Variants in ANKRD33B observed in about 807,000 individuals in gnomAD.
ANKRD33B encodes ankyrin repeat domain 33B.
ANKRD33B carries 6 observed loss-of-function variants against 21.5 expected under a neutral mutation model. The ratio of observed to expected loss-of-function variants is 0.28; its 90% CI spans 0.15 to 0.55. ANKRD33B has a LOEUF of 0.55. Among genes scored for constraint, ANKRD33B ranks in the 20% least tolerant of loss-of-function variants. The pLI is 0.94. For missense variants in ANKRD33B, 698 were observed against 747.2 expected, an observed-to-expected ratio of 0.93 and a Z score of 0.77; for synonymous variants, 347 against 342.4, an observed-to-expected ratio of 1.01 and a Z score of -0.15.
chr5:10,649,296 G>T lies in ANKRD33B; in HGVS notation c.668G>T (p.Arg223Leu). 1.3e-6 allele frequency: 2 copies of T among 1,528,670 alleles called. No individual in the cohort carries two copies. Among genetic ancestry groups the T allele is most frequent in the South Asian group, 1.2e-5 (1 of 83,794 alleles). The allele number at this position is 1,528,670 out of a possible 1,614,324, so 94.7% of individuals were successfully genotyped here. Reference sequence around the variant, plus strand: ...GATGTCCACGCGAGGGACCCCCGCCGTGGGATGTCGCCGCAGGAGTGGGCC... The same window carrying T: ...GATGTCCACGCGAGGGACCCCCGCCTTGGGATGTCGCCGCAGGAGTGGGCC... Reference protein sequence around the residue: ...GADVHARDPRRGMSPQEWATY... With the variant: ...GADVHARDPRLGMSPQEWATY... The change falls in exon 4 of 4, where the codon CGT (arginine) becomes CTT (leucine). Residue 223 changes from arginine (R) to leucine (L), a missense_variant. By Grantham distance (102) the Arg-to-Leu change is moderately radical. Around this residue, in one of 3 missense-constraint regions of ANKRD33B, gnomAD observed 543 missense variants for 566.5 expected, o/e 0.96. Coordinates refer to ENST00000296657, the MANE Select transcript of ANKRD33B (RefSeq NM_001164440.2).
chr5:10,621,279 G>T (rs1191994642), intron 2 of ANKRD33B, among the ~76,000 whole-genome samples: 1 of 152,042 alleles, frequency 6.6e-6, no homozygotes, highest in Admixed American at 6.6e-5. Flanking sequence ...GTGAGGAATG[G>T]TATTTAGAAA....
intron 2 of ANKRD33B, 61 bp downstream of exon 2, chr5:10,618,523 C>T: frequency 1.4e-6 from 2 of 1,463,378 alleles, no homozygotes; most frequent in South Asian, 1.4e-5. Context: ...CGCCGGGCAG[C>T]CCGGGCTCCC....
In ANKRD33B at chr5:10,564,687, A is replaced by AGCGTCCCGGAGG. The variant is rs762063874; in HGVS notation, c.231_242dup (p.Gly78_Glu81dup). On this transcript the variant is annotated inframe_insertion, in exon 1 of 4. Transcript: ENST00000296657. ...GGAGCACGGCGTCGAGAGCGCGGAG[A>AGCGTCCCGGAGG]GCGTCCCGGAGGGCGTCCCGGAAAG... The AGCGTCCCGGAGG allele has an allele frequency of 9.1e-6, 14 of 1,533,952 alleles. No individual in the cohort carries two copies. Among genetic ancestry groups the AGCGTCCCGGAGG allele is most frequent in the Middle Eastern group, 2.2e-4 (1 of 4,636 alleles).
chr5:10,613,661 G>T (rs908318171), intron 1 of ANKRD33B, among the ~76,000 whole-genome samples: 3 of 152,050 alleles, frequency 2.0e-5, no homozygotes, highest in African/African-American at 4.8e-5. Context: ...AGCACTTTGG[G>T]AGGCCAAGGA....
At chr5:10,618,672 G>A (rs751620274) in intron 2 of ANKRD33B, among the ~76,000 whole-genome samples, 2 of 152,166 alleles carry the variant, frequency 1.3e-5, no homozygotes, top group Non-Finnish European at 2.9e-5. Flanking sequence ...ATCAAGCTCC[G>A]ATACTGCCCA....
chr5:10,635,163 A>T (rs770196067), intron 2 of ANKRD33B, among the ~76,000 whole-genome samples: 6 of 152,176 alleles, frequency 3.9e-5, no homozygotes, highest in Non-Finnish European at 8.8e-5. Context: ...AGTGCTGAGG[A>T]TATATCAGTG....
intron 2 of ANKRD33B, among the ~76,000 whole-genome samples, chr5:10,633,483 C>A (rs1344737816): frequency 6.6e-6 from 1 of 152,248 alleles, no homozygotes; most frequent in East Asian, 1.9e-4. Context: ...CAGAGAATGC[C>A]TGTGTGCCTC....
intron 1 of ANKRD33B, among the ~76,000 whole-genome samples, chr5:10,569,469 G>A (rs575324061): frequency 3.6e-4 from 55 of 152,202 alleles, no homozygotes; most frequent in Admixed American, 1.1e-3. Flanking sequence ...GGTGGTGGAC[G>A]CCTGTAGTCC....
chr5:10,608,672 A>AC (rs1305847744), intron 1 of ANKRD33B, among the ~76,000 whole-genome samples: 7 of 152,038 alleles, frequency 4.6e-5, no homozygotes, highest in African/African-American at 1.4e-4. Context: ...GAAAAAAAAA[A>AC]AAACTTGAAA....
chr5:10,621,112 C>T (rs949131694), intron 2 of ANKRD33B, among the ~76,000 whole-genome samples: 8 of 152,268 alleles, frequency 5.3e-5, no homozygotes, highest in Non-Finnish European at 7.3e-5. Flanking sequence ...CAGTTGGTAA[C>T]CCTGAAGATG....
chr5:10,597,653 CA>C (rs1735845861), intron 1 of ANKRD33B, among the ~76,000 whole-genome samples: 1 of 152,134 alleles, frequency 6.6e-6, no homozygotes, highest in Admixed American at 6.5e-5. Flanking sequence ...AACAAATATT[CA>C]GGACCTGAAC....
intron 3 of ANKRD33B, among the ~76,000 whole-genome samples, chr5:10,645,315 T>G (rs1737167972): frequency 1.3e-5 from 2 of 151,120 alleles, no homozygotes; most frequent in Non-Finnish European, 1.5e-5. Flanking sequence ...AACATGGGGG[T>G]GGGTGGGGGC....
At chr5:10,642,253 C>T (rs1737078765) in intron 3 of ANKRD33B, among the ~76,000 whole-genome samples, 1 of 152,168 alleles carries the variant, frequency 6.6e-6, no homozygotes, top group Admixed American at 6.5e-5. Flanking sequence ...TCTCTTGGAA[C>T]GATGAGTCTG....
At chr5:10,618,228 T>C (rs778595184) in intron 1 of ANKRD33B, 105 bp from the exon 2 acceptor site, 21 of 1,446,312 alleles carry the variant, frequency 1.5e-5, no homozygotes, top group Non-Finnish European at 1.9e-5. Flanking sequence ...TGTCATTGCC[T>C]TGTCCAGCCC....
Position 10,649,994 on chromosome 5 carries a change from C to T in ANKRD33B, c.1366C>T (p.Pro456Ser). 2 of 1,533,636 alleles carry T rather than the reference C, an allele frequency of 1.3e-6. No individual in the cohort carries two copies. Among genetic ancestry groups the T allele is most frequent in the Non-Finnish European group, 1.7e-6 (2 of 1,144,918 alleles). ...CAAGGACAGCGGCCACCTGCAGATC[C>T]CCAAGTGGCGGTACAAGGAGGCCAA... ...STKDSGHLQI[P>S]KWRYKEAKEE... Residue 456 changes from proline (P) to serine (S), a missense_variant, in exon 4 of 4, where the codon CCC becomes TCC. By Grantham distance (74) the Pro-to-Ser change is moderately conservative. This residue lies in a region of ANKRD33B where 543 missense variants were observed against 566.5 expected (regional missense o/e 0.96). Coordinates refer to ENST00000296657, the MANE Select transcript of ANKRD33B (RefSeq NM_001164440.2).
intron 1 of ANKRD33B, among the ~76,000 whole-genome samples, chr5:10,608,706 A>G (rs1579731802): frequency 6.6e-6 from 1 of 152,338 alleles, no homozygotes; most frequent in Middle Eastern, 3.4e-3. Flanking sequence ...ATACAGAGGA[A>G]TATCTTTAGG....
At chr5:10,604,021 A>C (rs772978952) in intron 1 of ANKRD33B, among the ~76,000 whole-genome samples, 1 of 150,604 alleles carries the variant, frequency 6.6e-6, no homozygotes, top group Non-Finnish European at 1.5e-5. Flanking sequence ...CAGCCTCCCC[A>C]GTAGCTGCAA....
rs1405572288 is a variant in ANKRD33B at position 10,649,907 on chromosome 5, C to A, written c.1279C>A (p.Arg427=). 27 of 1,517,738 alleles carry A rather than the reference C, an allele frequency of 1.8e-5. No individual in the cohort carries two copies. Among genetic ancestry groups the A allele is most frequent in the Non-Finnish European group, 2.2e-5 (25 of 1,138,598 alleles). 94.0% of individuals were successfully genotyped at this position (1,517,738 alleles called of 1,614,324 possible). The change falls in exon 4 of 4, where the codon CGA becomes AGA. Residue 427 remains arginine, a synonymous_variant. Coordinates refer to ENST00000296657, the MANE Select transcript of ANKRD33B (RefSeq NM_001164440.2). ...GCCCGGTGTGGTGGTGCCCCGGGTC[C>A]GAGTCAGCAAGGCGCCCGCGCCCAC... The part of the protein sequence containing the change: ...VRPGVVVPRV[R]VSKAPAPTFQ...
At chr5:10,644,921 A>G (rs746022620) in intron 3 of ANKRD33B, among the ~76,000 whole-genome samples, 9 of 152,182 alleles carry the variant, frequency 5.9e-5, no homozygotes, top group Non-Finnish European at 1.2e-4. Context: ...AAGCTAAGAA[A>G]TGTCCACCAA....
Sources: allele counts gnomAD v4.1 joint callset (sites outside exome capture counted in the v4.1 genomes callset), GRCh38; gene constraint gnomAD v4.1.1; regional missense constraint gnomAD v4.1.1; transcripts MANE v1.5; gene names NCBI Gene and HGNC (gene_info 2026-07-23, HGNC 2026-07-21).